SH3TC1: variants seen among roughly 807,000 people sequenced by gnomAD.
The protein encoded by SH3TC1 is SH3 domain and tetratricopeptide repeat-containing protein 1.
SH3TC1 carries 135 observed loss-of-function variants against 117.3 expected under a neutral mutation model. That is an observed-to-expected ratio of 1.15 (90% CI 1.00 to 1.33). The LOEUF (loss-of-function observed/expected upper bound fraction) is 1.33, where lower values mean the gene tolerates loss of function less well. SH3TC1 is among the 40% of genes most tolerant of loss of function. SH3TC1 has a pLI of 0.00. For missense variants in SH3TC1, 2,092 were observed against 1,794.3 expected (o/e 1.17, Z -3.00); for synonymous variants, 898 against 816.9 (o/e 1.10, Z -1.69).
rs891592526 is a variant in SH3TC1 at position 8,192,983 on chromosome 4, T to C, written c.-57+10773T>C. Among the ~76,000 whole-genome samples the C allele has an allele frequency of 6.6e-6, 1 of 152,234 alleles. No homozygotes were observed. The highest frequency in any genetic ancestry group is 1.5e-5 in the Non-Finnish European group (1 of 68,038). On this transcript the variant is annotated intron_variant, in intron 1 of 16. Transcript: ENST00000508641. The surrounding 1 kb of genome is among the most constrained non-coding windows in gnomAD (Gnocchi z 4.1). ...GCACAAGACAGCCTCAGCTCTGTGG[T>C]CCACAAACCACATGACCACATCTGG...
At position 8,186,697 on chromosome 4, in the gene SH3TC1, A is replaced by C. The variant is rs1377998459; in HGVS notation, c.-57+4487A>C. On this transcript the variant is annotated intron_variant, in intron 1 of 16. Coordinates refer to the SH3TC1 transcript ENST00000508641. The surrounding 1 kb of genome is among the most constrained non-coding windows in gnomAD (Gnocchi z 5.2). ...GGTGGCTCACGCCTGTAATCCCAGC[A>C]CTTTGGGAGATGGAGGTGGGTAGAT... Among the ~76,000 whole-genome samples, 1 of 152,174 alleles carries C rather than the reference A, an allele frequency of 6.6e-6. No homozygotes were observed. Among genetic ancestry groups the C allele is most frequent in the Non-Finnish European group, 1.5e-5 (1 of 68,032 alleles).
In SH3TC1 at chr4:8,186,349, C is replaced by T. The variant is rs1006961157; in HGVS notation, c.-57+4139C>T. On this transcript the variant is annotated intron_variant, in intron 1 of 16. Transcript: ENST00000508641. This position sits in a 1 kb window ranked among gnomAD's most constrained non-coding sequence, Gnocchi z 5.2. ...CAGGAAAACAGGGACATCTGAAAAA[C>T]CTTCCCGGCCAAAAGGCACCCCAAA... 1.3e-5 allele frequency among the ~76,000 whole-genome samples: 2 copies of T among 152,222 alleles called. No individual in the cohort carries two copies. The highest frequency in any genetic ancestry group is 2.4e-5 in the African/African-American group (1 of 41,456).
intron 1 of SH3TC1, among the ~76,000 whole-genome samples, chr4:8,182,684 C>T (rs1344916918): frequency 6.6e-6 from 1 of 152,138 alleles, no homozygotes. Context: ...GGGCAGTGTC[C>T]GCATGTGGCC....
At position 8,227,435 on chromosome 4, in the gene SH3TC1, G is replaced by C; in HGVS notation, c.1741G>C (p.Val581Leu). ...SRRLKLSQARVYFEEALGALE... is the reference protein window; with the variant it reads ...SRRLKLSQARLYFEEALGALE... Reference sequence around the variant, plus strand: ...GAGGCTCAAGCTGTCCCAGGCCCGGGTGTACTTTGAGGAAGCGCTGGGGGC... The same window carrying C: ...GAGGCTCAAGCTGTCCCAGGCCCGGCTGTACTTTGAGGAAGCGCTGGGGGC... Residue 581 changes from valine (V) to leucine (L), a missense_variant, in exon 12 of 18, where the codon GTG becomes CTG. Transcript: ENST00000245105. 1 of 1,558,908 alleles carries C rather than the reference G, an allele frequency of 6.4e-7. No individual in the cohort carries two copies. The highest frequency in any genetic ancestry group is 8.6e-7 in the Non-Finnish European group (1 of 1,156,270).
intron 17 of SH3TC1, among the ~76,000 whole-genome samples, chr4:8,238,608 GC>G (rs1015137468): frequency 9.9e-5 from 15 of 152,196 alleles, no homozygotes; most frequent in Non-Finnish European, 1.5e-5. Flanking sequence ...TGCCAGGGAG[GC>G]CCCCGCCCGG....
rs540452162 is a variant in SH3TC1, at chr4:8,206,934, C to T, written c.172+1568C>T. On this transcript the variant is annotated intron_variant, in intron 2 of 17. Transcript: ENST00000245105. The surrounding 1 kb of genome is among the most constrained non-coding windows in gnomAD (Gnocchi z 5.5). ...ATGCCCCTTCATCCTAAAAGGTGTCCATATTTCCTAAAACCAGTACATTCT... is the reference window on the plus strand; with the variant it reads ...ATGCCCCTTCATCCTAAAAGGTGTCTATATTTCCTAAAACCAGTACATTCT... 2.0e-5 allele frequency among the ~76,000 whole-genome samples: 3 copies of T among 150,606 alleles called. 1 individual carries two copies. The South Asian group carries it at 6.3e-4, about 32-fold the overall frequency.
chr4:8,228,371 G>A lies in SH3TC1; in HGVS notation c.2677G>A (p.Ala893Thr), dbSNP rs764361673. 3.1e-6 allele frequency: 5 copies of A among 1,611,210 alleles called. No homozygotes were observed. The highest frequency in any genetic ancestry group is 4.2e-6 in the Non-Finnish European group (5 of 1,179,418). Residue 893 changes from alanine to threonine, a missense_variant, in exon 12 of 18, where the codon GCT (alanine) becomes ACT (threonine). Transcript: ENST00000245105. ...AESYYRALRV[A>T]RDLGQQRNQA... is the part of the protein sequence containing the mutation. Reference sequence around the variant, plus strand: ...GAGCTACTACCGCGCCCTGCGGGTGGCTCGGGACCTGGGCCAGCAAAGGAA... The same window carrying A: ...GAGCTACTACCGCGCCCTGCGGGTGACTCGGGACCTGGGCCAGCAAAGGAA...
At chr4:8,229,422 T>C in intron 12 of SH3TC1, among the ~76,000 whole-genome samples, 1 of 87,714 alleles carries the variant, frequency 1.1e-5, no homozygotes, top group Non-Finnish European at 2.2e-5. Context: ...GGTGAGTGAG[T>C]GGGGGTGTGA....
In SH3TC1 at chr4:8,227,272, G is replaced by A. The variant is rs1720555144; in HGVS notation, c.1578G>A (p.Leu526=). The part of the protein sequence containing the change: ...RGLYDVALPW[L]SSVFRSFSDE... Reference sequence around the variant, plus strand: ...TGTACGATGTGGCGCTGCCGTGGCTGAGCAGCGTGTTCCGCAGCTTCAGCG... The same window carrying A: ...TGTACGATGTGGCGCTGCCGTGGCTAAGCAGCGTGTTCCGCAGCTTCAGCG... Residue 526 remains leucine, a synonymous_variant, in exon 12 of 18, where the codon CTG becomes CTA. Coordinates refer to ENST00000245105, the MANE Select transcript of SH3TC1 (RefSeq NM_018986.5). The A allele has an allele frequency of 7.5e-6, 12 of 1,603,938 alleles. No individual in the cohort carries two copies. The highest frequency in any genetic ancestry group is 2.2e-5 in the South Asian group (2 of 90,188).
At chr4:8,215,445 T>G (rs1014469861) in intron 5 of SH3TC1, among the ~76,000 whole-genome samples, 1 of 152,158 alleles carries the variant, frequency 6.6e-6, no homozygotes, top group African/African-American at 2.4e-5. Context: ...GATCCGGTTC[T>G]TGGAGGAAGT....
At position 8,183,539 on chromosome 4, in the gene SH3TC1, T is replaced by C. The variant is rs1287496373; in HGVS notation, c.-57+1329T>C. On this transcript the variant is annotated intron_variant, in intron 1 of 16. Transcript: ENST00000508641. The surrounding 1 kb of genome is among the most constrained non-coding windows in gnomAD (Gnocchi z 5.4). Reference sequence around the variant, plus strand: ...CTGGGATCCCGCAGTGACGCTTGGGTGTCTTTGGGCCTTAAAAGTTCATCA... The same window carrying C: ...CTGGGATCCCGCAGTGACGCTTGGGCGTCTTTGGGCCTTAAAAGTTCATCA... Among the ~76,000 whole-genome samples the C allele has an allele frequency of 1.3e-5, 2 of 152,246 alleles. No homozygotes were observed. Among genetic ancestry groups the C allele is most frequent in the Admixed American group, 6.5e-5 (1 of 15,292 alleles).
chr4:8,225,491 G>C lies in SH3TC1; in HGVS notation c.1285+275G>C, dbSNP rs1406493119. ...ATGGAGCATCCTTTCCACTGCTTGG[G>C]TCCACTTGTAGCTGTGGGTTCCTTT... is the stretch of plus-strand genomic sequence containing the variant. On this transcript the variant is annotated intron_variant, in intron 11 of 17. Transcript: ENST00000245105. This position sits in a 1 kb window ranked among gnomAD's most constrained non-coding sequence, Gnocchi z 5.5. 6.6e-6 allele frequency among the ~76,000 whole-genome samples: 1 copy of C among 152,148 alleles called. No individual in the cohort carries two copies. The highest frequency in any genetic ancestry group is 6.5e-5 in the Admixed American group (1 of 15,278).
upstream of SH3TC1, among the ~76,000 whole-genome samples, chr4:8,196,199 C>T (rs372658959): frequency 3.9e-5 from 6 of 152,238 alleles, no homozygotes; most frequent in African/African-American, 1.4e-4. This position sits in a 1 kb window ranked among gnomAD's most constrained non-coding sequence, Gnocchi z 4.6. Flanking sequence ...TGACTCAGGG[C>T]CTGGCCACAG....
At position 8,216,196 on chromosome 4, in the gene SH3TC1, C is replaced by G; in HGVS notation, c.567C>G (p.Ile189Met). 2 of 1,613,894 alleles carry G rather than the reference C, an allele frequency of 1.2e-6. No homozygotes were observed. The highest frequency in any genetic ancestry group is 1.7e-6 in the Non-Finnish European group (2 of 1,180,014). ...CCAGTGAGGAGGAGGAGACGGCCATCCAAGTCCATGTGGATGAGAACGCCT... is the reference window on the plus strand; with the variant it reads ...CCAGTGAGGAGGAGGAGACGGCCATGCAAGTCCATGTGGATGAGAACGCCT... ...LLPSEEEETA[I>M]QVHVDENALR... Residue 189 changes from isoleucine to methionine, a missense_variant, in exon 6 of 18, where the codon ATC becomes ATG. Physicochemically the swap from Ile to Met is conservative, Grantham distance 10. Coordinates refer to ENST00000245105, the MANE Select transcript of SH3TC1 (RefSeq NM_018986.5).
chr4:8,238,568 G>A (rs1014210170), intron 17 of SH3TC1, among the ~76,000 whole-genome samples: 1 of 152,092 alleles, frequency 6.6e-6, no homozygotes, highest in African/African-American at 2.4e-5. Context: ...CTAAGACCCC[G>A]CCCCGTATCC....
At chr4:8,217,859 A>C (rs191428782) in intron 7 of SH3TC1, among the ~76,000 whole-genome samples, 33 of 152,268 alleles carry the variant, frequency 2.2e-4, no homozygotes, top group African/African-American at 7.7e-4. Flanking sequence ...CTGAGAGAGG[A>C]GTGATCTGTC....
At chr4:8,214,381 T>C (rs907662533) in intron 4 of SH3TC1, 94 bp from the exon 5 acceptor site, 1 of 1,189,328 alleles carries the variant, frequency 8.4e-7, no homozygotes, top group South Asian at 1.3e-5. Flanking sequence ...CGGGGCCACA[T>C]CTGCAAGATG....
At chr4:8,212,918 A>G in intron 4 of SH3TC1, 90 bp downstream of exon 4, 2 of 1,446,098 alleles carry the variant, frequency 1.4e-6, no homozygotes, top group South Asian at 1.4e-5. Flanking sequence ...CTGGGGACAC[A>G]GGAGGCAGGC....
Position 8,228,530 on chromosome 4 carries a change from AC to A in SH3TC1, c.2839del (p.His947ThrfsTer197), listed in dbSNP as rs1720801899. Reference protein sequence around the residue: ...LPLGECGRDFTHVLLQLGHLC... With the variant: ...LPLGECGRDFXHVLLQLGHLC... ...CCTTGGGGAGTGTGGCCGGGACTTC[AC>A]CCACGTGCTCCTGCAGCTGGGCCAT... On this transcript the variant is annotated frameshift_variant, in exon 12 of 18. Coordinates refer to ENST00000245105, the MANE Select transcript of SH3TC1 (RefSeq NM_018986.5). LOFTEE classifies it high-confidence loss of function. 6.2e-7 allele frequency: 1 copy of A among 1,610,652 alleles called. No individual in the cohort carries two copies. The highest frequency in any genetic ancestry group is 8.5e-7 in the Non-Finnish European group (1 of 1,179,290).
Sources: allele counts gnomAD v4.1 joint callset (sites outside exome capture counted in the v4.1 genomes callset), GRCh38; gene constraint gnomAD v4.1.1; non-coding constraint Gnocchi (gnomAD v3.1); transcripts MANE v1.5; gene names NCBI Gene and HGNC (gene_info 2026-07-23, HGNC 2026-07-21).